ERCC6: variants seen among roughly 807,000 people sequenced by gnomAD.
The protein encoded by ERCC6 is DNA excision repair protein ERCC-6.
ERCC6 carries 116 observed loss-of-function variants against 158.7 expected under a neutral mutation model. That is an observed-to-expected ratio of 0.73 (90% confidence interval 0.63 to 0.85). The LOEUF (loss-of-function observed/expected upper bound fraction) is 0.85, where lower values mean the gene tolerates loss of function less well. Ranked by LOEUF, ERCC6 falls within the 40% of genes least tolerant of loss-of-function variation. The pLI is 0.00. For missense variants in ERCC6, 1,698 were observed against 1,799.4 expected (o/e 0.94, Z 1.02); for synonymous variants, 678 against 659.3 (o/e 1.03, Z -0.43).
Position 49,505,927 on chromosome 10 carries a change from C to G in ERCC6, c.1483G>C (p.Glu495Gln), listed in dbSNP as rs749392467. ...AGAAAACCTGGCACTTTAAAACCTT[C>G]GTCAAATTCAGCATCACTTTCCTCA... is the stretch of plus-strand genomic sequence containing the variant. ...DSEESDAEFD[E>Q]GFKVPGFLFK... The change falls in exon 6 of 21, where the codon GAA becomes CAA. Residue 495 changes from glutamate (E) to glutamine (Q), a missense_variant. Coordinates refer to ENST00000355832, the MANE Select transcript of ERCC6 (RefSeq NM_000124.4). The G allele has an allele frequency of 1.9e-6, 3 of 1,613,424 alleles. No homozygotes were observed. The highest frequency in any genetic ancestry group is 1.7e-5 in the Admixed American group (1 of 59,946).
downstream of ERCC6, among the ~76,000 whole-genome samples, chr10:49,453,326 T>A (rs1308889097): frequency 6.6e-6 from 1 of 152,120 alleles, no homozygotes; most frequent in Admixed American, 6.5e-5. Flanking sequence ...CCTTTCCCCC[T>A]TTTTGTGATA....
chr10:49,529,740 A>T (rs981387755), intron 3 of ERCC6, among the ~76,000 whole-genome samples: 2 of 152,178 alleles, frequency 1.3e-5, no homozygotes, highest in Non-Finnish European at 2.9e-5. Context: ...ACTGCAGTGA[A>T]TCAACTGTAA....
At chr10:49,484,067 C>G (rs1009668730) in intron 8 of ERCC6, among the ~76,000 whole-genome samples, 1 of 151,346 alleles carries the variant, frequency 6.6e-6, no homozygotes, top group African/African-American at 2.4e-5. Context: ...TTGCTTGAGC[C>G]CAGGAGTTCG....
intron 10 of ERCC6, 112 bp downstream of exon 10, chr10:49,482,575 T>C (rs1850998228): frequency 2.4e-6 from 2 of 820,456 alleles, no homozygotes; most frequent in Non-Finnish European, 1.9e-6. Context: ...TACCAATTTA[T>C]GAGCCTGGCC....
At chr10:49,500,774 G>A in intron 6 of ERCC6, 78 bp from the exon 7 acceptor site, 1 of 1,496,628 alleles carries the variant, frequency 6.7e-7, no homozygotes, top group Non-Finnish European at 9.2e-7. Context: ...AAGTACTCAT[G>A]AATTAATCAT....
chr10:49,530,319 C>T (rs1284750475), intron 3 of ERCC6, among the ~76,000 whole-genome samples: 2 of 152,158 alleles, frequency 1.3e-5, no homozygotes, highest in Non-Finnish European at 2.9e-5. Context: ...AGGGCATAAC[C>T]CCATTATAAA....
intron 5 of ERCC6, among the ~76,000 whole-genome samples, chr10:49,511,028 AAGG>A (rs1320600988): frequency 1.3e-5 from 2 of 152,000 alleles, no homozygotes; most frequent in Non-Finnish European, 2.9e-5. Context: ...AAAAAAAGAT[AAGG>A]AGAAGGAAAG....
At chr10:49,529,032 C>CA (rs1188484307) in intron 3 of ERCC6, among the ~76,000 whole-genome samples, 2 of 152,134 alleles carry the variant, frequency 1.3e-5, no homozygotes, top group Admixed American at 6.5e-5. Flanking sequence ...TCTACCTAAT[C>CA]AAAAAGCTTT....
intron 7 of ERCC6, among the ~76,000 whole-genome samples, chr10:49,496,565 T>C (rs1009070904): frequency 3.3e-5 from 5 of 152,276 alleles, no homozygotes; most frequent in African/African-American, 1.2e-4. Context: ...CCCAACACTT[T>C]GGGAGGCCGA....
intron 7 of ERCC6, among the ~76,000 whole-genome samples, chr10:49,497,561 A>T (rs557018024): frequency 6.6e-6 from 1 of 152,268 alleles, no homozygotes; most frequent in South Asian, 2.1e-4. Flanking sequence ...TTTCCCCCTT[A>T]GTAGAAAAAA....
intron 5 of ERCC6, among the ~76,000 whole-genome samples, chr10:49,511,984 T>C (rs7092520): frequency 0.99 from 151,599 of 152,364 alleles, 75,422 homozygotes; most frequent in Middle Eastern, 1. Context: ...AATGAAATTA[T>C]GTATGTACAT....
chr10:49,515,909 T>C, intron 5 of ERCC6: 1 of 1,614,200 alleles, frequency 6.2e-7, no homozygotes, highest in Non-Finnish European at 8.5e-7. Context: ...TGCCATCAAT[T>C]CGATAATCAA....
chr10:49,450,815 G>A (rs893570379), downstream of ERCC6, among the ~76,000 whole-genome samples: 3 of 126,818 alleles, frequency 2.4e-5, no homozygotes, highest in East Asian at 2.4e-4. Flanking sequence ...GTAGAAATAC[G>A]ATTTTTTTTT....
At position 49,471,094 on chromosome 10, in the gene ERCC6, T is replaced by A. The variant is rs1335539393; in HGVS notation, c.2951A>T (p.Asn984Ile). ...TTGTTTTGGGTCTTTTAGCACTCTA[T>A]TTGTCAAAAACTGCTTGAAGATTTG... Reference protein sequence around the residue: ...HRQIFKQFLTNRVLKDPKQRR... With the variant: ...HRQIFKQFLTIRVLKDPKQRR... The change falls in exon 17 of 21, where the codon AAT becomes ATT. Residue 984 changes from asparagine (N) to isoleucine (I), a missense_variant. Asn to Ile is a moderately radical substitution (Grantham distance 149, BLOSUM62 -3). Transcript: ENST00000355832. The A allele has an allele frequency of 6.2e-7, 1 of 1,614,016 alleles. No individual in the cohort carries two copies. The highest frequency in any genetic ancestry group is 8.5e-7 in the Non-Finnish European group (1 of 1,179,992).
At chr10:49,516,734 T>A in intron 5 of ERCC6, 1 of 1,614,134 alleles carries the variant, frequency 6.2e-7, no homozygotes. Flanking sequence ...GTGCTGTAAC[T>A]CTACCTGCTA....
At chr10:49,485,026 C>G (rs2085122954) in intron 8 of ERCC6, among the ~76,000 whole-genome samples, 1 of 152,170 alleles carries the variant, frequency 6.6e-6, no homozygotes, top group Non-Finnish European at 1.5e-5. Flanking sequence ...GATCAGTCAC[C>G]AAGAGATTGG....
At chr10:49,475,117 T>C (rs933584881) in intron 12 of ERCC6, among the ~76,000 whole-genome samples, 4 of 152,210 alleles carry the variant, frequency 2.6e-5, no homozygotes, top group African/African-American at 9.6e-5. Context: ...CACTGTCCAA[T>C]GCAGTAGTCA....
In ERCC6 at chr10:49,524,457, C is replaced by G; in HGVS notation, c.973G>C (p.Glu325Gln). Reference protein sequence around the residue: ...NKKARVLSKKEERLKKHIKKL... With the variant: ...NKKARVLSKKQERLKKHIKKL... ...TTGATGTGCTTTTTCAAACGCTCCT[C>G]TTTTTTGGACAGAACTCTGGCTTTC... The change falls in exon 5 of 21, where the codon GAG (glutamate) becomes CAG (glutamine). Residue 325 changes from glutamate to glutamine, a missense_variant. Glu to Gln is a conservative substitution (Grantham distance 29). Transcript: ENST00000355832. 1 of 1,614,196 alleles carries G rather than the reference C, an allele frequency of 6.2e-7. No homozygotes were observed. Among genetic ancestry groups the G allele is most frequent in the Non-Finnish European group, 8.5e-7 (1 of 1,180,030 alleles).
rs60049731 is a variant in ERCC6, at chr10:49,534,154, AC to A, written c.-14-1177del. Among the ~76,000 whole-genome samples, 230 of 148,282 alleles carry A rather than the reference AC, an allele frequency of 1.6e-3. 4 individuals carry two copies. The highest frequency in any genetic ancestry group is 5.0e-3 in the African/African-American group (198 of 39,826). ...ATCTCAAAAAAAAAAAAAAAAAAAA[AC>A]AAAAAAAAAACTCCATTTTAATACA... On this transcript the variant is annotated intron_variant, in intron 1 of 20. Coordinates refer to ENST00000355832, the MANE Select transcript of ERCC6 (RefSeq NM_000124.4).
Sources: allele counts gnomAD v4.1 joint callset (sites outside exome capture counted in the v4.1 genomes callset), GRCh38; gene constraint gnomAD v4.1.1; transcripts MANE v1.5; gene names NCBI Gene and HGNC (gene_info 2026-07-23, HGNC 2026-07-21).